The following KCNQ5 variants were observed in gnomAD, a reference collection of about 807,000 sequenced individuals.
The protein encoded by KCNQ5 is potassium voltage-gated channel subfamily KQT member 5.
A neutral mutation model predicts 98.2 loss-of-function variants in KCNQ5; 30 were observed. That is an observed-to-expected ratio of 0.31 (90% confidence interval 0.23 to 0.41). KCNQ5 has a LOEUF of 0.41. Among genes scored for constraint, KCNQ5 ranks in the 10% least tolerant of loss-of-function variants. The probability of loss-of-function intolerance (pLI) is 1.00; values close to 1 mark genes in which losing one functional copy is unlikely to be tolerated. For missense variants in KCNQ5, 835 were observed against 1,182.5 expected, an observed-to-expected ratio of 0.71 and a Z score of 4.31; for synonymous variants, 458 against 449.4, an observed-to-expected ratio of 1.02 and a Z score of -0.24.
At chr6:72,911,246 G>A (rs1350663601) in intron 1 of KCNQ5, among the ~76,000 whole-genome samples, 3 of 152,116 alleles carry the variant, frequency 2.0e-5, no homozygotes, top group African/African-American at 7.2e-5. Context: ...CAATGTGATG[G>A]TATTAAGAGA....
At chr6:73,085,023 T>C (rs1773924079) in intron 5 of KCNQ5, among the ~76,000 whole-genome samples, 1 of 152,166 alleles carries the variant, frequency 6.6e-6, no homozygotes. Context: ...ATAATGTAGT[T>C]GTACAGTTCC....
chr6:72,935,190 C>G (rs1397686352), intron 1 of KCNQ5, among the ~76,000 whole-genome samples: 4 of 151,408 alleles, frequency 2.6e-5, no homozygotes, highest in African/African-American at 9.7e-5. Flanking sequence ...CCTGCCTCAG[C>G]CTCCCAAGTA....
In KCNQ5 at chr6:72,909,756, C is replaced by A. The variant is rs76941296; in HGVS notation, c.399-94152C>A. On this transcript the variant is annotated intron_variant, in intron 1 of 13. Transcript: ENST00000370398. ...TAGAAGACAGAATTCAAAGCAGATA[C>A]CTAAAGGAATATCTGGGAGATTTCT... 2.7e-3 allele frequency among the ~76,000 whole-genome samples: 410 copies of A among 152,200 alleles called. 4 individuals are homozygous for A. The highest frequency in any genetic ancestry group is 0.021 in the East Asian group (107 of 5,184).
chr6:73,064,670 G>A (rs1772969401), intron 3 of KCNQ5, among the ~76,000 whole-genome samples: 1 of 152,162 alleles, frequency 6.6e-6, no homozygotes, highest in South Asian at 2.1e-4. Context: ...CAAAATTGCT[G>A]TTCCTAAAAG....
chr6:73,061,451 T>C (rs1234741949), intron 3 of KCNQ5, among the ~76,000 whole-genome samples: 4 of 152,210 alleles, frequency 2.6e-5, no homozygotes, highest in East Asian at 1.9e-4. Context: ...TTGACTATTA[T>C]TATTTTTGTA....
At chr6:72,713,986 G>A (rs1285054744) in intron 1 of KCNQ5, among the ~76,000 whole-genome samples, 5 of 152,138 alleles carry the variant, frequency 3.3e-5, no homozygotes, top group Non-Finnish European at 5.9e-5. Flanking sequence ...TAACTGGAAT[G>A]AGTTTCCCTT....
At chr6:73,163,576 G>A (rs553657356) in intron 10 of KCNQ5, among the ~76,000 whole-genome samples, 11 of 152,168 alleles carry the variant, frequency 7.2e-5, no homozygotes, top group Non-Finnish European at 1.3e-4. Flanking sequence ...GCGAAACCCC[G>A]TCTCTACTAA....
chr6:73,102,883 G>A (rs1774846987), intron 5 of KCNQ5, among the ~76,000 whole-genome samples: 1 of 152,186 alleles, frequency 6.6e-6, no homozygotes, highest in Non-Finnish European at 1.5e-5. Flanking sequence ...CCACTATGGA[G>A]AAGAGCTTGG....
chr6:73,144,276 G>A (rs1382656637), intron 10 of KCNQ5, among the ~76,000 whole-genome samples: 1 of 151,932 alleles, frequency 6.6e-6, no homozygotes, highest in Non-Finnish European at 1.5e-5. Flanking sequence ...TAATTTGTTC[G>A]GCTTTTCTTC....
chr6:73,158,839 T>C (rs1395745781), intron 10 of KCNQ5, among the ~76,000 whole-genome samples: 1 of 152,214 alleles, frequency 6.6e-6, no homozygotes, highest in Non-Finnish European at 1.5e-5. Flanking sequence ...AATATTTTCA[T>C]GTTATTACAT....
At chr6:73,046,611 C>CTGTTT (rs759105407) in intron 3 of KCNQ5, among the ~76,000 whole-genome samples, 1 of 128,322 alleles carries the variant, frequency 7.8e-6, no homozygotes, top group Admixed American at 8.1e-5. Context: ...TTATTTTATT[C>CTGTTT]TATTTTATTT....
intron 1 of KCNQ5, among the ~76,000 whole-genome samples, chr6:72,654,450 C>T (rs1766040639): frequency 6.6e-6 from 1 of 151,932 alleles, no homozygotes; most frequent in Admixed American, 6.6e-5. Context: ...TACAGTAAAC[C>T]AAGGATGGAA....
intron 1 of KCNQ5, among the ~76,000 whole-genome samples, chr6:72,680,428 A>C (rs1767649866): frequency 1.3e-5 from 2 of 152,220 alleles, no homozygotes; most frequent in Non-Finnish European, 2.9e-5. Context: ...TCCACCAATC[A>C]GTTAATGTGT....
Position 72,733,227 on chromosome 6 carries a change from CAGG to C in KCNQ5, c.398+110645_398+110647del, listed in dbSNP as rs1770644872. On this transcript the variant is annotated intron_variant, in intron 1 of 13. Coordinates refer to ENST00000370398, the MANE Select transcript of KCNQ5 (RefSeq NM_019842.4). The stretch of plus-strand genomic sequence containing the variant: ...CTATGAATAATACAACATTTAGGAA[CAGG>C]AGGATGAGTGAATAAAGGAGACAGA... Among the ~76,000 whole-genome samples, 3 of 151,944 alleles carry C rather than the reference CAGG, an allele frequency of 2.0e-5. No homozygotes were observed. The South Asian group carries it at 6.2e-4, about 32-fold the overall frequency.
At chr6:72,820,711 A>C (rs1301716212) in intron 1 of KCNQ5, among the ~76,000 whole-genome samples, 1 of 152,132 alleles carries the variant, frequency 6.6e-6, no homozygotes, top group Non-Finnish European at 1.5e-5. Context: ...AGACTCACAG[A>C]AAAAGACAGG....
At chr6:72,891,711 C>T (rs1247181543) in intron 1 of KCNQ5, among the ~76,000 whole-genome samples, 1 of 152,078 alleles carries the variant, frequency 6.6e-6, no homozygotes, top group Non-Finnish European at 1.5e-5. Flanking sequence ...TTAATCCTTC[C>T]TAAAATAAAG....
intron 1 of KCNQ5, among the ~76,000 whole-genome samples, chr6:72,744,768 TC>T (rs1771297247): frequency 1.3e-5 from 2 of 150,890 alleles, no homozygotes; most frequent in Admixed American, 1.3e-4. Context: ...CCAAGATCGT[TC>T]CACTGCACTC....
At chr6:72,799,195 C>T (rs546221529) in intron 1 of KCNQ5, among the ~76,000 whole-genome samples, 8 of 152,180 alleles carry the variant, frequency 5.3e-5, no homozygotes, top group South Asian at 4.2e-4. Context: ...GCCAGCAGAC[C>T]GGAAACTCAG....
chr6:73,164,980 A>G (rs1267004542), intron 10 of KCNQ5, among the ~76,000 whole-genome samples: 2 of 151,626 alleles, frequency 1.3e-5, no homozygotes, highest in Non-Finnish European at 2.9e-5. Context: ...TGTACTGGGA[A>G]TCTTTTTTTT....
Sources: allele counts gnomAD v4.1 joint callset (sites outside exome capture counted in the v4.1 genomes callset), GRCh38; gene constraint gnomAD v4.1.1; transcripts MANE v1.5; gene names NCBI Gene and HGNC (gene_info 2026-07-23, HGNC 2026-07-21).